CAMTA1: variants seen among roughly 807,000 people sequenced by gnomAD.
CAMTA1 encodes calmodulin binding transcription activator 1, also known as calmodulin-binding transcription activator 1.
A neutral mutation model predicts 170.9 loss-of-function variants in CAMTA1; 27 were observed. The ratio of observed to expected loss-of-function variants is 0.16; its 90% CI spans 0.12 to 0.22. CAMTA1 has a LOEUF of 0.22. Ranked by LOEUF, CAMTA1 falls within the 10% of genes least tolerant of loss-of-function variation. CAMTA1 has a pLI of 1.00. For missense variants in CAMTA1, 1,619 were observed against 2,217.2 expected (o/e 0.73, Z 5.42); for synonymous variants, 833 against 891.5 (o/e 0.93, Z 1.17).
chr1:7,354,222 C>G (rs1034486524), intron 5 of CAMTA1, among the ~76,000 whole-genome samples: 2 of 150,814 alleles, frequency 1.3e-5, no homozygotes, highest in Middle Eastern at 6.8e-3. Flanking sequence ...GATCTTGGCT[C>G]ACTGCAAGCT....
chr1:7,760,466 C>T (rs747539142), intron 22 of CAMTA1, among the ~76,000 whole-genome samples: 7 of 152,176 alleles, frequency 4.6e-5, no homozygotes, highest in African/African-American at 9.7e-5. Flanking sequence ...CTCACACTTC[C>T]GTAGCTCAAT....
At chr1:6,813,400 A>G (rs1645410077) in intron 1 of CAMTA1, among the ~76,000 whole-genome samples, 1 of 151,468 alleles carries the variant, frequency 6.6e-6, no homozygotes, top group African/African-American at 2.4e-5. Flanking sequence ...TAAATAATTA[A>G]TTGTGCTCTA....
At chr1:7,339,979 AC>A (rs1465349180) in intron 5 of CAMTA1, among the ~76,000 whole-genome samples, 2 of 152,106 alleles carry the variant, frequency 1.3e-5, no homozygotes, top group African/African-American at 4.8e-5. Flanking sequence ...TCAGAACCTG[AC>A]CCAGGGTCCC....
chr1:7,735,453 AAAAAAAG>A (rs1281746067), intron 12 of CAMTA1, among the ~76,000 whole-genome samples: 3 of 151,334 alleles, frequency 2.0e-5, no homozygotes, highest in Non-Finnish European at 4.4e-5. Context: ...TCAAAAAAAA[AAAAAAAG>A]AAAAAAGAAG....
At chr1:7,087,091 T>C (rs1399882472) in intron 3 of CAMTA1, among the ~76,000 whole-genome samples, 1 of 152,238 alleles carries the variant, frequency 6.6e-6, no homozygotes, top group African/African-American at 2.4e-5. Context: ...CCTCGGTTTT[T>C]TTCCTCTGTC....
At chr1:7,544,535 C>T (rs1385154045) in intron 6 of CAMTA1, among the ~76,000 whole-genome samples, 1 of 152,200 alleles carries the variant, frequency 6.6e-6, no homozygotes, top group Non-Finnish European at 1.5e-5. Flanking sequence ...GCATGATCTC[C>T]TCTGTGCCCT....
Position 7,768,078 on chromosome 1 carries a change from C to T in CAMTA1, c.*1587C>T, listed in dbSNP as rs1316352952. ...GATGAATCAGTATGTAGCTTAACACCATCCACTCACTCCAACAAAGAACAC... is the reference window on the plus strand; with the variant it reads ...GATGAATCAGTATGTAGCTTAACACTATCCACTCACTCCAACAAAGAACAC... On this transcript the variant is annotated 3_prime_UTR_variant, in exon 23 of 23. Transcript: ENST00000303635. 4.7e-5 allele frequency: 7 copies of T among 148,722 alleles called. No homozygotes were observed. The highest frequency in any genetic ancestry group is 1.0e-4 in the Non-Finnish European group (7 of 67,490). The allele number at this position is 148,722 out of a possible 1,614,324, so 9.2% of individuals were successfully genotyped here.
intron 3 of CAMTA1, among the ~76,000 whole-genome samples, chr1:6,981,871 G>C (rs910599525): frequency 3.3e-5 from 5 of 152,074 alleles, no homozygotes; most frequent in Middle Eastern, 3.4e-3. Flanking sequence ...TAGGATAACA[G>C]GTGCACACCA....
rs1318833449 is a variant in CAMTA1 at position 7,463,094 on chromosome 1, T to A, written c.439-4736T>A. 6.6e-6 allele frequency among the ~76,000 whole-genome samples: 1 copy of A among 152,192 alleles called. No individual in the cohort carries two copies. The highest frequency in any genetic ancestry group is 2.4e-5 in the African/African-American group (1 of 41,454). ...CTATAGGTGGGCACATAAGGCCTCC[T>A]GGGGCCGGGGGTTCATGTGAGCAGG... On this transcript the variant is annotated intron_variant, in intron 5 of 22. Coordinates refer to ENST00000303635, the MANE Select transcript of CAMTA1 (RefSeq NM_015215.4). This position sits in a 1 kb window ranked among gnomAD's most constrained non-coding sequence, Gnocchi z 4.7.
chr1:6,811,528 C>T (rs1316002775), intron 1 of CAMTA1, among the ~76,000 whole-genome samples: 1 of 152,186 alleles, frequency 6.6e-6, no homozygotes, highest in Non-Finnish European at 1.5e-5. Flanking sequence ...GCCTGTCACT[C>T]TTTTGCTTCT....
intron 3 of CAMTA1, among the ~76,000 whole-genome samples, chr1:6,963,299 C>G (rs1224124480): frequency 1.4e-5 from 1 of 71,498 alleles, no homozygotes; most frequent in Non-Finnish European, 2.9e-5. Flanking sequence ...CTTTCCATCC[C>G]GGCCTTGCCC....
intron 3 of CAMTA1, among the ~76,000 whole-genome samples, chr1:6,829,269 T>G (rs1385161963): frequency 6.6e-6 from 1 of 152,232 alleles, no homozygotes; most frequent in Non-Finnish European, 1.5e-5. Flanking sequence ...ATGCAAATGT[T>G]TGGTGAAGCT....
At chr1:7,370,495 A>G (rs1209127478) in intron 5 of CAMTA1, among the ~76,000 whole-genome samples, 1 of 152,220 alleles carries the variant, frequency 6.6e-6, no homozygotes, top group Non-Finnish European at 1.5e-5. Context: ...CCAGAAATGG[A>G]GTAAAATAAT....
intron 7 of CAMTA1, among the ~76,000 whole-genome samples, chr1:7,655,532 A>C (rs368830295): frequency 1.2e-4 from 2 of 17,164 alleles, no homozygotes; most frequent in African/African-American, 1.5e-4. Flanking sequence ...ACCCACACAC[A>C]TACACACTGA....
intron 3 of CAMTA1, among the ~76,000 whole-genome samples, chr1:6,979,680 G>A (rs191909706): frequency 5.9e-5 from 9 of 152,294 alleles, no homozygotes; most frequent in Admixed American, 1.3e-4. Context: ...TTCTTAGAAC[G>A]CTGCTACCAT....
chr1:7,281,298 G>T (rs938531153), intron 5 of CAMTA1, among the ~76,000 whole-genome samples: 2 of 152,184 alleles, frequency 1.3e-5, no homozygotes, highest in Non-Finnish European at 2.9e-5. Context: ...TTTCAAGGTT[G>T]TAGGTATATA....
At chr1:7,480,228 TGA>T (rs890607735) in intron 6 of CAMTA1, among the ~76,000 whole-genome samples, 2 of 142,592 alleles carry the variant, frequency 1.4e-5, no homozygotes, top group Admixed American at 7.1e-5. Flanking sequence ...TACGTGTGTG[TGA>T]GTGCATGTGT....
chr1:7,596,981 C>T (rs2095405546), intron 6 of CAMTA1, among the ~76,000 whole-genome samples: 1 of 152,226 alleles, frequency 6.6e-6, no homozygotes. Flanking sequence ...GAGGACTGGT[C>T]CAGGGTACCA....
At chr1:6,877,136 C>T (rs1571270261) in intron 3 of CAMTA1, among the ~76,000 whole-genome samples, 2 of 152,218 alleles carry the variant, frequency 1.3e-5, no homozygotes, top group African/African-American at 2.4e-5. Context: ...ATAGCTGCTG[C>T]GATTAACTGC....
Sources: gnomAD v4.1 joint callset for allele counts (sites outside exome capture counted in the v4.1 genomes callset) on GRCh38, gnomAD v4.1.1 for gene constraint, Gnocchi (gnomAD v3.1) non-coding constraint, MANE v1.5 for transcripts, NCBI Gene and HGNC (gene_info 2026-07-23, HGNC 2026-07-21) for gene names.